The following SELENON variants were observed in gnomAD, a reference collection of about 807,000 sequenced individuals.
SELENON encodes the protein selenoprotein N, also known as selenoprotein N, 1.
A neutral mutation model predicts 59.5 loss-of-function variants in SELENON; 44 were observed. That is an observed-to-expected ratio of 0.74 (90% CI 0.58 to 0.95). The LOEUF is 0.95. Among genes scored for constraint, SELENON ranks in the 40% least tolerant of loss-of-function variants. SELENON has a pLI of 0.00. For missense variants in SELENON, 674 were observed against 721.4 expected (o/e 0.93, Z 0.75); for synonymous variants, 320 against 305.6 (o/e 1.05, Z -0.49).
intron 9 of SELENON, among the ~76,000 whole-genome samples, chr1:25,812,177 C>A (rs1295559132): frequency 6.6e-6 from 1 of 151,982 alleles, no homozygotes; most frequent in Non-Finnish European, 1.5e-5. Flanking sequence ...CCCATATCTA[C>A]AAAAGAATTT....
At chr1:25,811,583 C>T in intron 8 of SELENON, 48 bp downstream of exon 7, 2 of 1,605,410 alleles carry the variant, frequency 1.2e-6, no homozygotes, top group Non-Finnish European at 1.7e-6. Flanking sequence ...CTGCAGGGCC[C>T]CGCCCTCCCT....
rs1465672234 is a variant in SELENON, at chr1:25,807,038, GGTTTCAATCTCCTGACCTCGT to G, written c.538-1540_538-1520del. 6.6e-6 allele frequency among the ~76,000 whole-genome samples: 1 copy of G among 152,002 alleles called. No homozygotes were observed. Among genetic ancestry groups the G allele is most frequent in the East Asian group, 1.9e-4 (1 of 5,150 alleles). ...GGGGTTTCACCATGTTGACCAGGAT[GGTTTCAATCTCCTGACCTCGT>G]GATCCACCTGCCTCGGCCTCCCGAA... On this transcript the variant is annotated intron_variant, in intron 4 of 12. Transcript: ENST00000361547. The surrounding 1 kb of genome is among the most constrained non-coding windows in gnomAD (Gnocchi z 4.5).
At chr1:25,815,053 G>C (rs955645631) in intron 12 of SELENON, among the ~76,000 whole-genome samples, 5 of 151,992 alleles carry the variant, frequency 3.3e-5, no homozygotes, top group African/African-American at 1.2e-4. Context: ...TATGAATGTT[G>C]ATTGAATGCT....
intron 4 of SELENON, among the ~76,000 whole-genome samples, chr1:25,806,996 G>C (rs2047913682): frequency 6.6e-6 from 1 of 152,026 alleles, no homozygotes; most frequent in Admixed American, 6.5e-5. Context: ...TAATTTCTTT[G>C]TATTTTTAGT....
At chr1:25,804,354 CCAGT>C (rs780897555) in intron 3 of SELENON, among the ~76,000 whole-genome samples, 32 of 152,258 alleles carry the variant, frequency 2.1e-4, no homozygotes, top group Middle Eastern at 3.4e-3. Flanking sequence ...AGCCTGCTAG[CCAGT>C]CAGTCAGCAA....
intron 2 of SELENON, 51 bp downstream of exon 2, chr1:25,801,211 T>A: frequency 7.0e-7 from 1 of 1,418,852 alleles, no homozygotes; most frequent in Non-Finnish European, 1.0e-6. Context: ...GCCAACGGTG[T>A]CTTCACTGAG....
rs773257950 is a variant in SELENON at position 25,809,827 on chromosome 1, G to A, written c.1010+7G>A. The stretch of plus-strand genomic sequence containing the variant: ...TCTTCGTGCCCAACCACAGGTGGGA[G>A]CTTGACCCTGGCCCAGCCTTGGCTC... On this transcript the variant is annotated splice_region_variant and intron_variant, in intron 7 of 12. Coordinates refer to ENST00000361547, the MANE Select transcript of SELENON (RefSeq NM_020451.3). 3.7e-6 allele frequency: 6 copies of A among 1,612,890 alleles called. No individual in the cohort carries two copies. The African/African-American group carries it at 5.3e-5, about 14-fold the overall frequency.
chr1:25,811,594 C>G (rs1361206249), intron 8 of SELENON, 59 bp downstream of exon 7: 1 of 1,605,604 alleles, frequency 6.2e-7, no homozygotes, highest in Non-Finnish European at 8.5e-7. Context: ...CGCCCTCCCT[C>G]TGCAATGAGT....
chr1:25,811,834 G>A lies in SELENON; in HGVS notation c.1236G>A (p.Glu412=), dbSNP rs1171840958. ...AGTGGCAGCAGGAGCTGAGCTGGGA[G>A]GAGGCTGCCCGGCGCCTGGAGGTGG... Residue 412 remains glutamate (E), a synonymous_variant, in exon 9 of 13, where the codon GAG becomes GAA. Transcript: ENST00000361547. 6.3e-7 allele frequency: 1 copy of A among 1,583,528 alleles called. No individual in the cohort carries two copies. The highest frequency in any genetic ancestry group is 1.8e-5 in the Admixed American group (1 of 54,790).
chr1:25,809,316 G>A (rs562417609), intron 6 of SELENON, among the ~76,000 whole-genome samples, 166 bp downstream of exon 5: 3 of 152,356 alleles, frequency 2.0e-5, no homozygotes, highest in East Asian at 1.9e-4. Flanking sequence ...CTGTGGATCC[G>A]GGTGCTGATG....
At chr1:25,811,358 C>G (rs2047957965) in intron 7 of SELENON, 96 bp from the exon 7 acceptor site, 3 of 1,111,630 alleles carry the variant, frequency 2.7e-6, no homozygotes, top group Non-Finnish European at 4.1e-6. Context: ...GTGTCCTCAT[C>G]TGGAAAGTGG....
rs761826869 is a variant in SELENON at position 25,809,757 on chromosome 1, A to G, written c.947A>G (p.His316Arg). The change falls in exon 7 of 13, where the codon CAC becomes CGC. Residue 316 changes from histidine to arginine, a missense_variant. Coordinates refer to ENST00000361547, the MANE Select transcript of SELENON (RefSeq NM_020451.3). ...TTCTCCCCTGCTCAGTTCACCGGCC[A>G]CATCATCCTCTCCAAAGACGCCACC... 4.3e-6 allele frequency: 7 copies of G among 1,613,970 alleles called. No homozygotes were observed. The South Asian group carries it at 6.6e-5, about 15-fold the overall frequency.
Position 25,804,077 on chromosome 1 carries a change from C to G in SELENON, c.404-1065C>G, listed in dbSNP as rs187151942. Among the ~76,000 whole-genome samples, 6 of 152,276 alleles carry G rather than the reference C, an allele frequency of 3.9e-5. No homozygotes were observed. In the South Asian group the frequency reaches 1.0e-3, roughly 26 times the overall value. The stretch of plus-strand genomic sequence containing the variant: ...GGCTTACTAATAACCCTGCATATTC[C>G]TGTTGCTCCCTTCTTCTTGGGTTTC... On this transcript the variant is annotated intron_variant, in intron 3 of 12. Coordinates refer to ENST00000361547, the MANE Select transcript of SELENON (RefSeq NM_020451.3).
Position 25,815,955 on chromosome 1 carries a change from C to T in SELENON, c.*237C>T. The T allele has an allele frequency of 1.8e-6, 1 of 548,328 alleles. No individual in the cohort carries two copies. Among genetic ancestry groups the T allele is most frequent in the South Asian group, 2.0e-5 (1 of 49,102 alleles). The allele number at this position is 548,328 out of a possible 1,614,324, so 34.0% of individuals were successfully genotyped here. A position where few individuals can be genotyped will look rare whatever the true frequency, so the allele number is the denominator to read the frequency against. ...AGCTCTGACTGTCACTCGGCTCTCC[C>T]TACCCATTTGGCTCTGGAAGCTGCT... On this transcript the variant is annotated 3_prime_UTR_variant, in exon 13 of 13. Coordinates refer to ENST00000361547, the MANE Select transcript of SELENON (RefSeq NM_020451.3).
chr1:25,813,873 C>G lies in SELENON; in HGVS notation c.1388-8C>G, dbSNP rs1366973759. ...GGGGGCGCCTCACCCTTCTGTCTTC[C>G]TGAACAGGTTCAGGGCGGACTCTCC... On this transcript the variant is annotated splice_polypyrimidine_tract_variant and splice_region_variant and intron_variant, in intron 10 of 12. Transcript: ENST00000361547. 2 of 1,612,674 alleles carry G rather than the reference C, an allele frequency of 1.2e-6. No homozygotes were observed. Among genetic ancestry groups the G allele is most frequent in the African/African-American group, 2.7e-5 (2 of 74,900 alleles).
At chr1:25,804,781 G>A (rs2047891340) in intron 3 of SELENON, among the ~76,000 whole-genome samples, 1 of 151,820 alleles carries the variant, frequency 6.6e-6, no homozygotes, top group African/African-American at 2.4e-5. Flanking sequence ...TCCCTTGACT[G>A]AGTTCCTCTC....
chr1:25,803,327 T>G (rs1208607982), intron 3 of SELENON, among the ~76,000 whole-genome samples: 1 of 152,142 alleles, frequency 6.6e-6, no homozygotes, highest in African/African-American at 2.4e-5. Flanking sequence ...AATTCCCCCA[T>G]TACCTCTAGG....
intron 4 of SELENON, among the ~76,000 whole-genome samples, chr1:25,806,635 T>C (rs2047909748): frequency 6.6e-6 from 1 of 152,026 alleles, no homozygotes; most frequent in African/African-American, 2.4e-5. Context: ...TCTGCACATG[T>C]TGAAGTTGAG....
intron 10 of SELENON, 131 bp downstream of exon 9, chr1:25,812,923 G>GC: frequency 1.5e-6 from 1 of 682,524 alleles, no homozygotes; most frequent in Non-Finnish European, 2.5e-6. Flanking sequence ...TGGTAGGGGC[G>GC]TGGGGTGAGG....
Sources: gnomAD v4.1 joint callset for allele counts (sites outside exome capture counted in the v4.1 genomes callset) on GRCh38, gnomAD v4.1.1 for gene constraint, Gnocchi (gnomAD v3.1) non-coding constraint, MANE v1.5 for transcripts, NCBI Gene and HGNC (gene_info 2026-07-23, HGNC 2026-07-21) for gene names.